Variants in ERCC6 observed in about 807,000 individuals in gnomAD.
The protein encoded by ERCC6 is ERCC excision repair 6, chromatin remodeling factor.
Under a neutral mutation model 158.7 loss-of-function variants are expected in ERCC6, and 116 were observed. The observed-to-expected ratio is 0.73, with a 90% CI of 0.63 to 0.85. ERCC6 has a LOEUF of 0.85. ERCC6 is among the 40% of genes least tolerant of loss of function. ERCC6 has a pLI of 0.00. For synonymous variants in ERCC6, 678 were observed against 659.3 expected, an observed-to-expected ratio of 1.03 and a Z score of -0.43; for missense variants, 1,698 against 1,799.4, an observed-to-expected ratio of 0.94 and a Z score of 1.02.
chr10:49,479,374 G>A (rs952788460), intron 10 of ERCC6, among the ~76,000 whole-genome samples: 1 of 152,074 alleles, frequency 6.6e-6, no homozygotes, highest in African/African-American at 2.4e-5. Context: ...CTTAAAGAAC[G>A]CTAAAAATAC....
intron 18 of ERCC6, 111 bp from the exon 19 acceptor site, chr10:49,461,667 A>G (rs929654270): frequency 2.0e-6 from 2 of 1,010,214 alleles, no homozygotes; most frequent in Non-Finnish European, 3.0e-6. Context: ...GTGATAGTAC[A>G]CTTAGAAAAC....
intron 8 of ERCC6, among the ~76,000 whole-genome samples, chr10:49,492,025 T>C (rs755108359): frequency 6.6e-6 from 1 of 152,242 alleles, no homozygotes; most frequent in Non-Finnish European, 1.5e-5. Flanking sequence ...ATTTATTAAT[T>C]ATCTTATCCA....
At chr10:49,470,080 A>G in intron 18 of ERCC6, 102 bp downstream of exon 18, 1 of 1,022,234 alleles carries the variant, frequency 9.8e-7, no homozygotes. Flanking sequence ...CTAATGGCTG[A>G]CAGCCCTCTA....
chr10:49,532,587 G>C lies in ERCC6; in HGVS notation c.378C>G (p.Leu126=). The C allele has an allele frequency of 6.2e-7, 1 of 1,614,200 alleles. No homozygotes were observed. The highest frequency in any genetic ancestry group is 1.6e-4 in the Middle Eastern group (1 of 6,062). ...ACCGATACTCCTTCTCCACGTCAAC[G>C]AGCTGGGAGGCACGGCTGGCCTCAT... ...AIHEASRASQ[L]VDVEKEYRSV... The change falls in exon 2 of 21, where the codon CTC becomes CTG. Residue 126 remains leucine, a synonymous_variant. Transcript: ENST00000355832.
chr10:49,538,567 CTT>C (rs1337951725), intron 1 of ERCC6, among the ~76,000 whole-genome samples: 2 of 152,212 alleles, frequency 1.3e-5, no homozygotes, highest in African/African-American at 2.4e-5. Context: ...CGCCCACACT[CTT>C]ATCAATTTGA....
At chr10:49,465,802 T>G (rs1032345037) in intron 18 of ERCC6, among the ~76,000 whole-genome samples, 2 of 152,226 alleles carry the variant, frequency 1.3e-5, no homozygotes, top group Non-Finnish European at 2.9e-5. Flanking sequence ...TCCCCAGTCA[T>G]GTGGAATTGT....
intron 5 of ERCC6, chr10:49,515,084 G>A (rs1836906073): frequency 1.4e-6 from 1 of 709,748 alleles, no homozygotes; most frequent in East Asian, 4.5e-5. Flanking sequence ...TTTAAAAGAA[G>A]GCAATGTGCT....
chr10:49,523,975 A>G, intron 5 of ERCC6, 58 bp downstream of exon 5: 1 of 1,603,062 alleles, frequency 6.2e-7, no homozygotes, highest in Admixed American at 1.7e-5. Flanking sequence ...ATATTAATAA[A>G]CCTGTCACCT....
intron 16 of ERCC6, among the ~76,000 whole-genome samples, chr10:49,471,445 C>A (rs1453844738): frequency 6.6e-6 from 1 of 152,132 alleles, no homozygotes; most frequent in Non-Finnish European, 1.5e-5. Context: ...GCCTCCTTGA[C>A]TTGAATACCA....
intron 5 of ERCC6, chr10:49,516,332 A>G (rs1836962167): frequency 1.2e-6 from 2 of 1,614,136 alleles, no homozygotes; most frequent in East Asian, 2.2e-5. Context: ...TTTCATTTGG[A>G]ACAAATTTCA....
chr10:49,487,258 A>G (rs1851092945), intron 8 of ERCC6, among the ~76,000 whole-genome samples: 2 of 152,218 alleles, frequency 1.3e-5, no homozygotes, highest in African/African-American at 2.4e-5. Context: ...ATTGCTGCAG[A>G]GAATAACCAC....
At chr10:49,462,995 G>A (rs1564726471) in intron 18 of ERCC6, among the ~76,000 whole-genome samples, 1 of 152,200 alleles carries the variant, frequency 6.6e-6, no homozygotes, top group South Asian at 2.1e-4. Context: ...GTGCAGCACT[G>A]TGGCTAAAAG....
At chr10:49,495,591 T>C (rs943607237) in intron 7 of ERCC6, among the ~76,000 whole-genome samples, 1 of 151,934 alleles carries the variant, frequency 6.6e-6, no homozygotes, top group Non-Finnish European at 1.5e-5. Context: ...ACTGCCGATA[T>C]CCCCAAAGCA....
chr10:49,472,049 A>C (rs538532600), intron 16 of ERCC6, among the ~76,000 whole-genome samples: 1 of 152,336 alleles, frequency 6.6e-6, no homozygotes, highest in South Asian at 2.1e-4. Context: ...CAACCTTGTC[A>C]TTTTTTAAAA....
At position 49,460,473 on chromosome 10, in the gene ERCC6, A is replaced by G. The variant is rs1220432452; in HGVS notation, c.3984-22T>C. The G allele has an allele frequency of 2.0e-6, 3 of 1,516,302 alleles. No individual in the cohort carries two copies. In the African/African-American group the frequency reaches 4.1e-5, roughly 21 times the overall value. The allele number at this position is 1,516,302 out of a possible 1,614,324, so 93.9% of individuals were successfully genotyped here. ...ACTCCTAAAAAAGGAAAAGCATCAC[A>G]GTAGATTAAATGTTTGCTTTTGAGA... On this transcript the variant is annotated intron_variant, in intron 19 of 20. Transcript: ENST00000355832.
rs1850508511 is a variant in ERCC6, at chr10:49,457,782, G to C, written c.*1033C>G. 1 of 152,192 alleles carries C rather than the reference G, an allele frequency of 6.6e-6. No homozygotes were observed. The highest frequency in any genetic ancestry group is 2.1e-4 in the South Asian group (1 of 4,830). 9.4% of individuals were successfully genotyped at this position (152,192 alleles called of 1,614,324 possible). ...AAGGAAACAAGAAAAACATGGGTAAGAAAATAAACTGAGGATCAAAGCAAC... is the reference window on the plus strand; with the variant it reads ...AAGGAAACAAGAAAAACATGGGTAACAAAATAAACTGAGGATCAAAGCAAC... On this transcript the variant is annotated 3_prime_UTR_variant, in exon 21 of 21. Transcript: ENST00000355832.
At position 49,470,407 on chromosome 10, in the gene ERCC6, T is replaced by G. The variant is rs1350215226; in HGVS notation, c.3553A>C (p.Thr1185Pro). The G allele has an allele frequency of 5.6e-6, 9 of 1,614,190 alleles. No individual in the cohort carries two copies. In the South Asian group the frequency reaches 9.9e-5, roughly 18 times the overall value. The change falls in exon 18 of 21, where the codon ACA becomes CCA. Residue 1185 changes from threonine (T) to proline (P), a missense_variant. Coordinates refer to ENST00000355832, the MANE Select transcript of ERCC6 (RefSeq NM_000124.4). ...ENNFYKHKSK[T>P]KHHSVAEEET... is the part of the protein sequence containing the mutation. ...TCTTCTGCCACACTATGATGTTTTG[T>G]TTTTGACTTGTGCTTATAAAAATTA...
At chr10:49,490,543 C>G (rs951160469) in intron 8 of ERCC6, among the ~76,000 whole-genome samples, 1 of 152,014 alleles carries the variant, frequency 6.6e-6, no homozygotes, top group African/African-American at 2.4e-5. Context: ...TTAGTACAGA[C>G]AGGGTTTCAC....
chr10:49,513,635 A>G (rs962955919), intron 5 of ERCC6, among the ~76,000 whole-genome samples: 1 of 152,160 alleles, frequency 6.6e-6, no homozygotes, highest in African/African-American at 2.4e-5. Context: ...AGGCGGCAGG[A>G]GGAAGTGAGT....
Sources: gnomAD v4.1 joint callset for allele counts (sites outside exome capture counted in the v4.1 genomes callset) on GRCh38, gnomAD v4.1.1 for gene constraint, MANE v1.5 for transcripts, NCBI Gene and HGNC (gene_info 2026-07-23, HGNC 2026-07-21) for gene names.